The following GABRA2 variants were observed in gnomAD, a reference collection of about 807,000 sequenced individuals.
GABRA2 encodes the protein gamma-aminobutyric acid type A receptor subunit alpha2.
GABRA2 carries 16 observed loss-of-function variants against 48.7 expected under a neutral mutation model. That is an observed-to-expected ratio of 0.33 (90% CI 0.22 to 0.50). The LOEUF is 0.50. GABRA2 is among the 20% of genes least tolerant of loss of function. The pLI is 0.98. For missense variants in GABRA2, 275 were observed against 535.6 expected (o/e 0.51, Z 4.80); for synonymous variants, 185 against 184.5 (o/e 1.00, Z -0.02).
At chr4:46,305,978 G>T (rs279869) in intron 6 of GABRA2, among the ~76,000 whole-genome samples, 76,519 of 151,882 alleles carry the variant, frequency 0.5, 20,493 homozygotes, top group African/African-American at 0.69. Flanking sequence ...GAGTCTGTTA[G>T]AATCACTGGG....
chr4:46,245,848 C>A lies in GABRA2; in HGVS notation c.*4460G>T, dbSNP rs982069782. ...ATTAGGTAATGTTATGTATTAAATA[C>A]ATCATTGAGTAGTTTGAGGTGGGAC... On this transcript the variant is annotated 3_prime_UTR_variant, in exon 10 of 10. Transcript: ENST00000381620. 6.6e-6 allele frequency among the ~76,000 whole-genome samples: 1 copy of A among 151,074 alleles called. No homozygotes were observed. The highest frequency in any genetic ancestry group is 2.4e-5 in the African/African-American group (1 of 41,290).
At chr4:46,344,235 A>T (rs972088196) in intron 3 of GABRA2, among the ~76,000 whole-genome samples, 3 of 152,018 alleles carry the variant, frequency 2.0e-5, no homozygotes, top group African/African-American at 7.2e-5. Context: ...AGAATACAGT[A>T]TCTCAAAGAC....
chr4:46,386,337 T>C, intron 2 of GABRA2, 148 bp from the exon 3 acceptor site: 1 of 570,664 alleles, frequency 1.8e-6, no homozygotes, highest in Non-Finnish European at 3.0e-6. Context: ...TCTATAAATA[T>C]CGGTTTGTCT....
chr4:46,294,603 CT>C (rs1724283177), intron 8 of GABRA2, among the ~76,000 whole-genome samples: 1 of 152,184 alleles, frequency 6.6e-6, no homozygotes, highest in African/African-American at 2.4e-5. Context: ...GCCATATGAC[CT>C]AGCAGATCCA....
chr4:46,343,603 T>C (rs1360200817), intron 3 of GABRA2, among the ~76,000 whole-genome samples: 3 of 151,896 alleles, frequency 2.0e-5, no homozygotes, highest in Admixed American at 6.6e-5. Flanking sequence ...AGAAGAATAA[T>C]ACAAGGTGGA....
intron 3 of GABRA2, among the ~76,000 whole-genome samples, chr4:46,379,703 G>A (rs2109350143): frequency 6.6e-6 from 1 of 152,284 alleles, no homozygotes; most frequent in East Asian, 1.9e-4. Flanking sequence ...ATTCTCAGCT[G>A]CCTCATGCTT....
intron 4 of GABRA2, among the ~76,000 whole-genome samples, chr4:46,326,712 A>G (rs981728002): frequency 4.7e-4 from 71 of 151,736 alleles, no homozygotes; most frequent in African/African-American, 1.7e-3. Flanking sequence ...ATGTATGCCT[A>G]TGGTTTCAAC....
intron 8 of GABRA2, chr4:46,303,225 A>G: frequency 2.0e-6 from 1 of 489,002 alleles, no homozygotes. Context: ...GATTTAACAG[A>G]AAGAAGACTA....
intron 3 of GABRA2, among the ~76,000 whole-genome samples, chr4:46,351,910 C>A (rs938709505): frequency 1.3e-5 from 2 of 151,246 alleles, no homozygotes; most frequent in Non-Finnish European, 2.9e-5. Context: ...ACCATATCTT[C>A]TTATAAAAGT....
At chr4:46,381,096 T>A (rs911050297) in intron 3 of GABRA2, among the ~76,000 whole-genome samples, 3 of 152,204 alleles carry the variant, frequency 2.0e-5, no homozygotes, top group Non-Finnish European at 1.5e-5. Flanking sequence ...TGGTGCTCAA[T>A]CTAGATTTTC....
chr4:46,351,389 G>T (rs796297829), intron 3 of GABRA2, among the ~76,000 whole-genome samples: 2 of 151,902 alleles, frequency 1.3e-5, no homozygotes, highest in Non-Finnish European at 2.9e-5. Flanking sequence ...AATTGTTTTG[G>T]AGGCTACACC....
Position 46,386,163 on chromosome 4 carries a change from T to C in GABRA2, c.98A>G (p.Asp33Gly). The C allele has an allele frequency of 6.2e-7, 1 of 1,610,624 alleles. No homozygotes were observed. Among genetic ancestry groups the C allele is most frequent in the Non-Finnish European group, 8.5e-7 (1 of 1,178,464 alleles). Residue 33 changes from aspartate to glycine, a missense_variant, in exon 3 of 10, where the codon GAT (aspartate) becomes GGT (glycine). Transcript: ENST00000381620. ...GATGGTAATGTTATTTTTAGCCTCA[T>C]CTTCTTGGATGTTAGCCAGCACCAA... ...ARLVLANIQE[D>G]EAKNNITIFT...
rs67846908 is a variant in GABRA2 at position 46,265,355 on chromosome 4, C to CTGTG, written c.857-3231_857-3228dup. ...GCGCCTTGCCACTTTATATATGTAT[C>CTGTG]TGTGTGTGTGTGTGTGTGTGTGTGT... On this transcript the variant is annotated intron_variant, in intron 8 of 9. Coordinates refer to ENST00000381620, the MANE Select transcript of GABRA2 (RefSeq NM_000807.4). Among the ~76,000 whole-genome samples the CTGTG allele has an allele frequency of 0.015, 2,070 of 137,472 alleles. 88 individuals carry two copies. The East Asian group carries it at 0.16, about 11-fold the overall frequency. 90.2% of individuals were successfully genotyped at this position (137,472 alleles called of 152,430 possible).
chr4:46,257,843 A>G (rs1457328117), intron 9 of GABRA2, among the ~76,000 whole-genome samples: 1 of 151,750 alleles, frequency 6.6e-6, no homozygotes, highest in African/African-American at 2.4e-5. Flanking sequence ...AATAATGGAC[A>G]AGATTTAATG....
intron 3 of GABRA2, among the ~76,000 whole-genome samples, chr4:46,342,388 T>C (rs1271384689): frequency 6.6e-6 from 1 of 152,036 alleles, no homozygotes; most frequent in Admixed American, 6.6e-5. Context: ...AGAAATCAGA[T>C]TGTGCCAATT....
At chr4:46,353,154 A>G (rs1735417047) in intron 3 of GABRA2, among the ~76,000 whole-genome samples, 1 of 152,124 alleles carries the variant, frequency 6.6e-6, no homozygotes, top group African/African-American at 2.4e-5. Flanking sequence ...ATCCTTCCTG[A>G]TGCTTAAGCC....
intron 9 of GABRA2, chr4:46,261,278 GA>G (rs1716920109): frequency 6.6e-6 from 1 of 152,224 alleles, no homozygotes; most frequent in Non-Finnish European, 1.5e-5. Context: ...TAGACCATAT[GA>G]ACAATTTAAA....
At chr4:46,337,559 A>G (rs1392598022) in intron 3 of GABRA2, among the ~76,000 whole-genome samples, 1 of 149,744 alleles carries the variant, frequency 6.7e-6, no homozygotes, top group Non-Finnish European at 1.5e-5. Flanking sequence ...GTAACCAGAT[A>G]TATTATGTCA....
intron 8 of GABRA2, among the ~76,000 whole-genome samples, chr4:46,292,749 G>A (rs1455910476): frequency 6.6e-6 from 1 of 152,158 alleles, no homozygotes; most frequent in Non-Finnish European, 1.5e-5. Flanking sequence ...TAGGGAGATT[G>A]GGATGGTGGA....
Sources: gnomAD v4.1 joint callset for allele counts (sites outside exome capture counted in the v4.1 genomes callset) on GRCh38, gnomAD v4.1.1 for gene constraint, MANE v1.5 for transcripts, NCBI Gene and HGNC (gene_info 2026-07-23, HGNC 2026-07-21) for gene names.